The following UBE2E3 variants were observed in gnomAD, a reference collection of about 807,000 sequenced individuals.
The protein encoded by UBE2E3 is ubiquitin-conjugating enzyme E2 E3.
UBE2E3 carries 5 observed loss-of-function variants against 23.6 expected under a neutral mutation model. That is an observed-to-expected ratio of 0.21 (90% CI 0.11 to 0.44). UBE2E3 has a LOEUF of 0.44. Among genes scored for constraint, UBE2E3 ranks in the 20% least tolerant of loss-of-function variants. The pLI is 0.99. For synonymous variants in UBE2E3, 78 were observed against 87.5 expected (o/e 0.89, Z 0.60); for missense variants, 81 against 249.8 (o/e 0.32, Z 4.55).
At chr2:181,057,391 G>C (rs1687018523) in intron 3 of UBE2E3, among the ~76,000 whole-genome samples, 1 of 151,672 alleles carries the variant, frequency 6.6e-6, no homozygotes. Flanking sequence ...CAGGTTTAGA[G>C]GGGTGTGTGT....
chr2:181,038,129 A>C (rs1436611981), intron 3 of UBE2E3, among the ~76,000 whole-genome samples: 1 of 152,182 alleles, frequency 6.6e-6, no homozygotes, highest in Non-Finnish European at 1.5e-5. Context: ...ACCCAGACCA[A>C]CTTCCAGTCC....
chr2:181,003,599 G>A (rs1300556227), intron 3 of UBE2E3, among the ~76,000 whole-genome samples: 1 of 152,170 alleles, frequency 6.6e-6, no homozygotes, highest in Non-Finnish European at 1.5e-5. Flanking sequence ...TCATAAGTCA[G>A]TTTGCTGGTT....
intron 3 of UBE2E3, among the ~76,000 whole-genome samples, chr2:180,995,874 G>C (rs956361430): frequency 5.9e-5 from 9 of 151,938 alleles, no homozygotes; most frequent in Non-Finnish European, 1.5e-5. Flanking sequence ...GCAGCCATTG[G>C]AATACAGCTC....
intron 3 of UBE2E3, among the ~76,000 whole-genome samples, chr2:181,056,447 G>GA (rs1376272602): frequency 6.6e-6 from 1 of 151,738 alleles, no homozygotes; most frequent in Non-Finnish European, 1.5e-5. Context: ...ACTCACAGTG[G>GA]AAAGGCAGGC....
intron 3 of UBE2E3, among the ~76,000 whole-genome samples, chr2:181,009,110 G>C (rs1283428286): frequency 6.6e-6 from 1 of 152,078 alleles, no homozygotes; most frequent in East Asian, 1.9e-4. Context: ...CTTCTAGCCA[G>C]TTCTTCTACA....
At chr2:181,054,999 G>A (rs1476634654) in intron 3 of UBE2E3, among the ~76,000 whole-genome samples, 1 of 151,768 alleles carries the variant, frequency 6.6e-6, no homozygotes. Flanking sequence ...TGTGTCAAAT[G>A]TTGCTGGACC....
At chr2:181,002,283 A>G (rs1183933687) in intron 3 of UBE2E3, among the ~76,000 whole-genome samples, 1 of 152,186 alleles carries the variant, frequency 6.6e-6, no homozygotes, top group East Asian at 1.9e-4. Context: ...ATCTAGTTTC[A>G]TGTTTAATCT....
chr2:180,989,953 C>T, intron 3 of UBE2E3: 1 of 1,548,550 alleles, frequency 6.5e-7, no homozygotes, highest in Non-Finnish European at 8.7e-7. Flanking sequence ...CTTTCAGTCT[C>T]TTCTTCCCTA....
At chr2:180,994,872 TTTATC>T (rs1361552682) in intron 3 of UBE2E3, among the ~76,000 whole-genome samples, 1 of 152,152 alleles carries the variant, frequency 6.6e-6, no homozygotes, top group African/African-American at 2.4e-5. Context: ...AAAGTTAGAA[TTTATC>T]AAAACTTACA....
intron 3 of UBE2E3, among the ~76,000 whole-genome samples, chr2:180,997,542 T>A (rs1289587236): frequency 4.6e-5 from 7 of 152,162 alleles, no homozygotes; most frequent in Admixed American, 3.9e-4. Flanking sequence ...TGTTTATCCC[T>A]TCTCATCTCC....
chr2:181,044,284 TATAC>T (rs1419444332), intron 3 of UBE2E3, among the ~76,000 whole-genome samples: 2 of 152,114 alleles, frequency 1.3e-5, no homozygotes, highest in African/African-American at 4.8e-5. Flanking sequence ...TAGTGCAAAA[TATAC>T]AGTGCTACAA....
At chr2:181,040,864 T>G (rs946606153) in intron 3 of UBE2E3, among the ~76,000 whole-genome samples, 1 of 152,166 alleles carries the variant, frequency 6.6e-6, no homozygotes, top group African/African-American at 2.4e-5. Flanking sequence ...ATGAGCTATT[T>G]TTTTACCTTA....
intron 3 of UBE2E3, 124 bp from the exon 4 acceptor site, chr2:181,057,569 T>C (rs536826399): frequency 3.7e-4 from 277 of 758,078 alleles, no homozygotes; most frequent in Non-Finnish European, 4.2e-4. Context: ...CTTATTTCTT[T>C]TATACTTATT....
chr2:180,999,760 A>G (rs924408472), intron 3 of UBE2E3, among the ~76,000 whole-genome samples: 5 of 152,228 alleles, frequency 3.3e-5, no homozygotes, highest in East Asian at 1.9e-4. Flanking sequence ...TGGCTTTACA[A>G]TTGAGTAACT....
intron 3 of UBE2E3, among the ~76,000 whole-genome samples, chr2:180,994,675 C>T (rs936671861): frequency 1.3e-5 from 2 of 152,028 alleles, no homozygotes; most frequent in African/African-American, 4.8e-5. Context: ...CATTTATACA[C>T]GACTTTTTTC....
chr2:181,042,661 T>G (rs1211958675), intron 3 of UBE2E3, among the ~76,000 whole-genome samples: 1 of 152,182 alleles, frequency 6.6e-6, no homozygotes, highest in Admixed American at 6.5e-5. Context: ...GCACCTGACC[T>G]CAGTTTCCTC....
chr2:180,990,767 CA>C (rs749377477), intron 3 of UBE2E3, among the ~76,000 whole-genome samples: 3 of 152,140 alleles, frequency 2.0e-5, no homozygotes, highest in Admixed American at 6.5e-5. Context: ...TAACATTGGA[CA>C]GTCATCAAAA....
At chr2:181,010,130 C>CATA (rs1685274739) in intron 3 of UBE2E3, among the ~76,000 whole-genome samples, 1 of 152,122 alleles carries the variant, frequency 6.6e-6, no homozygotes, top group South Asian at 2.1e-4. Context: ...AAGTCCACCA[C>CATA]ATACTACTAC....
intron 3 of UBE2E3, among the ~76,000 whole-genome samples, chr2:181,043,189 G>A (rs1222960167): frequency 6.6e-6 from 1 of 152,178 alleles, no homozygotes; most frequent in East Asian, 1.9e-4. Flanking sequence ...GATGCTACGA[G>A]TTAACCTGAA....
Sources: gnomAD v4.1 joint callset for allele counts (sites outside exome capture counted in the v4.1 genomes callset) on GRCh38, gnomAD v4.1.1 for gene constraint, MANE v1.5 for transcripts, NCBI Gene and HGNC (gene_info 2026-07-23, HGNC 2026-07-21) for gene names.